The following CADM1 variants were observed in gnomAD, a reference collection of about 807,000 sequenced individuals.
The protein encoded by CADM1 is cell adhesion molecule 1, also known as TSLC-1.
CADM1 carries 15 observed loss-of-function variants against 53.1 expected under a neutral mutation model. The ratio of observed to expected loss-of-function variants is 0.28; its 90% CI spans 0.19 to 0.44. The LOEUF (loss-of-function observed/expected upper bound fraction) is 0.44, where lower values mean the gene tolerates loss of function less well. Ranked by LOEUF, CADM1 falls within the 20% of genes least tolerant of loss-of-function variation. The pLI, the probability that CADM1 is intolerant of heterozygous loss-of-function variation, is 1.00. For synonymous variants in CADM1, 281 were observed against 243.0 expected (o/e 1.16, Z -1.45); for missense variants, 434 against 611.3 (o/e 0.71, Z 3.06).
chr11:115,468,896 A>G (rs12270921), intron 1 of CADM1, among the ~76,000 whole-genome samples: 21,443 of 152,222 alleles, frequency 0.14, 1,625 homozygotes, highest in East Asian at 0.21. Context: ...GAGCAAAGTT[A>G]CGTCCTACAT....
chr11:115,383,948 T>C (rs1288360175), intron 1 of CADM1, among the ~76,000 whole-genome samples: 1 of 150,662 alleles, frequency 6.6e-6, no homozygotes, highest in Non-Finnish European at 1.5e-5. Flanking sequence ...CCCTAAGAGC[T>C]CCTGGAAAAA....
At chr11:115,448,717 T>C (rs565426364) in intron 1 of CADM1, among the ~76,000 whole-genome samples, 1 of 151,976 alleles carries the variant, frequency 6.6e-6, no homozygotes, top group South Asian at 2.1e-4. Flanking sequence ...AAGAATGGGG[T>C]TACTAGCAAT....
intron 1 of CADM1, among the ~76,000 whole-genome samples, chr11:115,338,769 G>A (rs1202857966): frequency 6.6e-6 from 1 of 151,772 alleles, no homozygotes; most frequent in African/African-American, 2.4e-5. Flanking sequence ...ATCCTTCCTG[G>A]CATAAAAGTG....
chr11:115,328,599 T>C (rs78374503), intron 1 of CADM1, among the ~76,000 whole-genome samples: 3,575 of 143,640 alleles, frequency 0.025, 146 homozygotes, highest in African/African-American at 0.085. Context: ...GAAAGGAATG[T>C]TGTAATTTTT....
chr11:115,176,418 C>A lies in CADM1; in HGVS notation c.*56G>T. On this transcript the variant is annotated 3_prime_UTR_variant, in exon 12 of 12. Coordinates refer to ENST00000331581, the MANE Select transcript of CADM1 (RefSeq NM_001301043.2). ...TTCTCGCAAGTTCCAATATCACTGT[C>A]TCTTTATCATCTAAATAGGGCCAGT... is the stretch of plus-strand genomic sequence containing the variant. The A allele has an allele frequency of 6.2e-7, 1 of 1,609,258 alleles. No homozygotes were observed. Among genetic ancestry groups the A allele is most frequent in the South Asian group, 1.1e-5 (1 of 90,606 alleles).
At chr11:115,222,155 C>A (rs1941430219) in intron 5 of CADM1, among the ~76,000 whole-genome samples, 1 of 152,138 alleles carries the variant, frequency 6.6e-6, no homozygotes, top group African/African-American at 2.4e-5. Context: ...GCAGCATGAG[C>A]ACAGATGATA....
intron 2 of CADM1, among the ~76,000 whole-genome samples, chr11:115,240,033 C>G (rs970796883): frequency 1.3e-5 from 2 of 152,220 alleles, no homozygotes; most frequent in East Asian, 3.9e-4. Flanking sequence ...TGCAATTCAC[C>G]TTGAATTACT....
At chr11:115,247,600 T>A (rs1260485881) in intron 1 of CADM1, among the ~76,000 whole-genome samples, 1 of 152,186 alleles carries the variant, frequency 6.6e-6, no homozygotes, top group Non-Finnish European at 1.5e-5. Flanking sequence ...GAAGGGAGAA[T>A]AGCCAAGAAT....
chr11:115,455,392 CA>C (rs796161656), intron 1 of CADM1, among the ~76,000 whole-genome samples: 43 of 142,810 alleles, frequency 3.0e-4, no homozygotes, highest in South Asian at 9.0e-4. Context: ...ACTTCAAAGG[CA>C]AAAAAAAAAT....
intron 1 of CADM1, among the ~76,000 whole-genome samples, chr11:115,441,337 A>G (rs1268647132): frequency 6.6e-6 from 1 of 152,154 alleles, no homozygotes; most frequent in East Asian, 1.9e-4. Flanking sequence ...CCATTCAAAT[A>G]CAAAATGTGT....
chr11:115,444,728 T>C (rs1274225626), intron 1 of CADM1, among the ~76,000 whole-genome samples: 4 of 152,214 alleles, frequency 2.6e-5, no homozygotes, highest in African/African-American at 2.4e-5. Flanking sequence ...TTTACAAATA[T>C]TGTGAAATTA....
chr11:115,213,220 C>T (rs1178828188), intron 7 of CADM1, among the ~76,000 whole-genome samples: 2 of 152,146 alleles, frequency 1.3e-5, no homozygotes, highest in Non-Finnish European at 2.9e-5. Flanking sequence ...GAGGAATGTA[C>T]TTTTCACCCC....
intron 6 of CADM1, 124 bp from the exon 7 acceptor site, chr11:115,214,904 T>A: frequency 9.6e-7 from 1 of 1,039,748 alleles, no homozygotes; most frequent in Non-Finnish European, 1.5e-6. Context: ...TTCACAGAAT[T>A]ACAACTGTGA....
At chr11:115,303,806 T>C (rs1054333092) in intron 1 of CADM1, among the ~76,000 whole-genome samples, 1 of 152,058 alleles carries the variant, frequency 6.6e-6, no homozygotes, top group Non-Finnish European at 1.5e-5. Context: ...CTCCAGGTTG[T>C]GATATATTTT....
rs535252509 is a variant in CADM1 at position 115,190,059 on chromosome 11, TTGAG to T, written c.1165+825_1165+828del. Among the ~76,000 whole-genome samples, 14 of 152,336 alleles carry T rather than the reference TTGAG, an allele frequency of 9.2e-5. No individual in the cohort carries two copies. In the South Asian group the frequency reaches 2.7e-3, roughly 29 times the overall value. ...TCTGGAATCTTTCTTTCCAATAGGCTTGAGTAAGTGTCTACAGTCCTATGACTTA... is the reference window on the plus strand; with the variant it reads ...TCTGGAATCTTTCTTTCCAATAGGCTTAAGTGTCTACAGTCCTATGACTTA... On this transcript the variant is annotated intron_variant, in intron 10 of 11. Coordinates refer to ENST00000331581, the MANE Select transcript of CADM1 (RefSeq NM_001301043.2).
intron 3 of CADM1, among the ~76,000 whole-genome samples, chr11:115,237,277 A>T (rs1475977965): frequency 6.6e-6 from 1 of 152,222 alleles, no homozygotes; most frequent in Non-Finnish European, 1.5e-5. Context: ...AAACCACAAT[A>T]GTGACAAATA....
chr11:115,311,943 G>A (rs748030535), intron 1 of CADM1, among the ~76,000 whole-genome samples: 2 of 151,982 alleles, frequency 1.3e-5, no homozygotes, highest in African/African-American at 4.8e-5. Flanking sequence ...TTCACCTATC[G>A]GCACAAGGAT....
At chr11:115,330,706 A>G (rs1041766187) in intron 1 of CADM1, among the ~76,000 whole-genome samples, 4 of 152,156 alleles carry the variant, frequency 2.6e-5, no homozygotes, top group Non-Finnish European at 2.9e-5. Context: ...AAAATCCTAC[A>G]CTAGTGACCG....
At chr11:115,214,363 C>T in intron 7 of CADM1, 1 of 534,486 alleles carries the variant, frequency 1.9e-6, no homozygotes, top group Admixed American at 3.1e-5. Context: ...GAGGACACAG[C>T]TTTCCTTCTC....
Sources: allele counts gnomAD v4.1 joint callset (sites outside exome capture counted in the v4.1 genomes callset), GRCh38; gene constraint gnomAD v4.1.1; transcripts MANE v1.5; gene names NCBI Gene and HGNC (gene_info 2026-07-23, HGNC 2026-07-21).